Variants in IGFN1 observed in about 807,000 individuals in gnomAD.
IGFN1 encodes the protein immunoglobulin-like and fibronectin type III domain-containing protein 1.
IGFN1 carries 253 observed loss-of-function variants against 289.5 expected under a neutral mutation model. That is an observed-to-expected ratio of 0.87 (90% CI 0.79 to 0.97). IGFN1 has a LOEUF of 0.97. Among genes scored for constraint, IGFN1 ranks in the 50% least tolerant of loss-of-function variants. The pLI, the probability that IGFN1 is intolerant of heterozygous loss-of-function variation, is 0.00. For missense variants in IGFN1, 4,470 were observed against 4,686.1 expected (o/e 0.95, Z 1.35); for synonymous variants, 1,706 against 1,788.5 (o/e 0.95, Z 1.16).
At position 201,218,634 on chromosome 1, in the gene IGFN1, G is replaced by A; in HGVS notation, c.9874G>A (p.Ala3292Thr). The part of the protein sequence containing the change: ...GPGEPGPPSD[A>T]VFARDPMRPP... ...CGGAGAGCCTGGACCTCCATCGGAT[G>A]CTGTCTTTGCTCGGGACCCCATGAG... Residue 3292 changes from alanine to threonine, a missense_variant, in exon 18 of 24, where the codon GCT becomes ACT. Transcript: ENST00000335211. 1 of 1,609,530 alleles carries A rather than the reference G, an allele frequency of 6.2e-7. No homozygotes were observed.
intron 9 of IGFN1, 96 bp from the exon 10 acceptor site, chr1:201,203,642 G>C: frequency 5.1e-6 from 6 of 1,183,558 alleles, no homozygotes; most frequent in Non-Finnish European, 1.2e-6. Flanking sequence ...GACTGGGCCC[G>C]TGGGAGAAAA....
rs1307051608 is a variant in IGFN1, at chr1:201,199,611, C to T, written c.415C>T (p.Leu139Phe). ...RKRHREPQED[L>F]RKELMDFRKL... Reference sequence around the variant, plus strand: ...CCTCATTCCTGCTCCTTTTTCAGACCTCAGGAAGGAGCTGATGGACTTCCG... The same window carrying T: ...CCTCATTCCTGCTCCTTTTTCAGACTTCAGGAAGGAGCTGATGGACTTCCG... Residue 139 changes from leucine to phenylalanine, a missense_variant and splice_region_variant, in exon 7 of 24, where the codon CTC becomes TTC. By Grantham distance (22) the Leu-to-Phe change is conservative. Transcript: ENST00000335211. 1 of 1,551,192 alleles carries T rather than the reference C, an allele frequency of 6.4e-7. No homozygotes were observed. Among genetic ancestry groups the T allele is most frequent in the Middle Eastern group, 1.7e-4 (1 of 5,988 alleles).
In IGFN1 at chr1:201,217,409, C is replaced by G; in HGVS notation, c.9718C>G (p.Arg3240Gly). The G allele has an allele frequency of 6.2e-7, 1 of 1,614,156 alleles. No individual in the cohort carries two copies. The highest frequency in any genetic ancestry group is 1.1e-5 in the South Asian group (1 of 91,082). The change falls in exon 17 of 24, where the codon CGT (arginine) becomes GGT (glycine). Residue 3240 changes from arginine to glycine, a missense_variant. By Grantham distance (125) the Arg-to-Gly change is moderately radical (BLOSUM62 -2). Around this residue, in one of 8 missense-constraint regions of IGFN1, gnomAD observed 2,218 missense variants for 2,114.1 expected, o/e 1.05. Coordinates refer to ENST00000335211, the MANE Select transcript of IGFN1 (RefSeq NM_001164586.2). ...AHILGYLIER[R>G]KKGSNTWTAV... ...CATCCTGGGCTACCTGATCGAGAGGCGTAAGAAGGGGAGCAACACCTGGAC... is the reference window on the plus strand; with the variant it reads ...CATCCTGGGCTACCTGATCGAGAGGGGTAAGAAGGGGAGCAACACCTGGAC...
chr1:201,206,509 A>G lies in IGFN1; in HGVS notation c.1616A>G (p.Gln539Arg), dbSNP rs2102333433. The G allele has an allele frequency of 6.4e-7, 1 of 1,551,390 alleles. No homozygotes were observed. The highest frequency in any genetic ancestry group is 8.7e-7 in the Non-Finnish European group (1 of 1,146,988). ...TCAGGGTTGGGCCTCCCAGAAAAAC[A>G]ACAGCAAGATCGTGGCAGAGACAGC... Reference protein sequence around the residue: ...SESGLGLPEKQQQDRGRDSNS... With the variant: ...SESGLGLPEKRQQDRGRDSNS... Residue 539 changes from glutamine (Q) to arginine (R), a missense_variant, in exon 12 of 24, where the codon CAA becomes CGA. This residue lies in a region of IGFN1 where 2,011 missense variants were observed against 1,953.4 expected (regional missense o/e 1.03). Transcript: ENST00000335211.
intron 9 of IGFN1, among the ~76,000 whole-genome samples, chr1:201,202,715 T>TC (rs1667216524): frequency 1.1e-5 from 1 of 93,300 alleles, no homozygotes; most frequent in African/African-American, 4.6e-5. Flanking sequence ...CTTTCTTTCT[T>TC]CCTCCCTCCC....
rs181852482 is a variant in IGFN1 at position 201,212,601 on chromosome 1, G to C, written c.7708G>C (p.Gly2570Arg). 8.5e-5 allele frequency: 131 copies of C among 1,547,202 alleles called. 1 individual carries two copies. The East Asian group carries it at 1.6e-3, about 18-fold the overall frequency. ...MTDRGRVAGQGGLASQGGGDS... is the reference protein window; with the variant it reads ...MTDRGRVAGQRGLASQGGGDS... The stretch of plus-strand genomic sequence containing the variant: ...AGACAGGGGTAGAGTTGCTGGCCAG[G>C]GGGGGTTGGCATCTCAGGGAGGTGG... Residue 2570 changes from glycine (G) to arginine (R), a missense_variant, in exon 12 of 24, where the codon GGG becomes CGG. Around this residue, in one of 8 missense-constraint regions of IGFN1, gnomAD observed 2,218 missense variants for 2,114.1 expected, o/e 1.05. Coordinates refer to ENST00000335211, the MANE Select transcript of IGFN1 (RefSeq NM_001164586.2).
intron 7 of IGFN1, 131 bp downstream of exon 7, chr1:201,199,785 G>A (rs936241342): frequency 4.2e-6 from 3 of 708,502 alleles, no homozygotes; most frequent in East Asian, 2.7e-5. Context: ...GCCAGTAGCA[G>A]ATGGGAGGAT....
chr1:201,207,474 C>G lies in IGFN1; in HGVS notation c.2581C>G (p.Pro861Ala). Reference protein sequence around the residue: ...GAHHGPGVLGPSGGQEGMGGI... With the variant: ...GAHHGPGVLGASGGQEGMGGI... ...CCACCATGGGCCTGGAGTGCTGGGGCCCAGTGGAGGACAAGAGGGTATGGG... is the reference window on the plus strand; with the variant it reads ...CCACCATGGGCCTGGAGTGCTGGGGGCCAGTGGAGGACAAGAGGGTATGGG... The change falls in exon 12 of 24, where the codon CCC (proline) becomes GCC (alanine). Residue 861 changes from proline to alanine, a missense_variant. Physicochemically the swap from Pro to Ala is conservative, Grantham distance 27. Around this residue, in one of 8 missense-constraint regions of IGFN1, gnomAD observed 2,011 missense variants for 1,953.4 expected, o/e 1.03. Transcript: ENST00000335211. 1 of 1,531,070 alleles carries G rather than the reference C, an allele frequency of 6.5e-7. No homozygotes were observed. Among genetic ancestry groups the G allele is most frequent in the Non-Finnish European group, 8.7e-7 (1 of 1,143,664 alleles). 94.8% of individuals were successfully genotyped at this position (1,531,070 alleles called of 1,614,324 possible).
At position 201,211,078 on chromosome 1, in the gene IGFN1, T is replaced by A. The variant is rs1227086807; in HGVS notation, c.6185T>A (p.Met2062Lys). ...FRDGLGSSVEMGSVNEAGYRK... is the reference protein window; with the variant it reads ...FRDGLGSSVEKGSVNEAGYRK... ...GATGGTTTAGGGAGTTCTGTAGAAA[T>A]GGGGTCAGTGAATGAGGCAGGTTAT... Residue 2062 changes from methionine (M) to lysine (K), a missense_variant, in exon 12 of 24, where the codon ATG becomes AAG. Around this residue, in one of 8 missense-constraint regions of IGFN1, gnomAD observed 20 missense variants for 29.1 expected, o/e 0.69. Transcript: ENST00000335211. The A allele has an allele frequency of 2.7e-6, 4 of 1,501,194 alleles. No homozygotes were observed. The highest frequency in any genetic ancestry group is 3.6e-6 in the Non-Finnish European group (4 of 1,126,506). 93.0% of individuals were successfully genotyped at this position (1,501,194 alleles called of 1,614,324 possible). A position where few individuals can be genotyped will look rare whatever the true frequency, so the allele number is the denominator to read the frequency against.
chr1:201,215,725 G>A lies in IGFN1; in HGVS notation c.9182G>A (p.Gly3061Asp), dbSNP rs1430996305. Residue 3061 changes from glycine (G) to aspartate (D), a missense_variant, in exon 15 of 24, where the codon GGC (glycine) becomes GAC (aspartate). Around this residue, in one of 8 missense-constraint regions of IGFN1, gnomAD observed 2,218 missense variants for 2,114.1 expected, o/e 1.05. Coordinates refer to ENST00000335211, the MANE Select transcript of IGFN1 (RefSeq NM_001164586.2). Reference protein sequence around the residue: ...DREAQVDLGDGYTRLCLPSAG... With the variant: ...DREAQVDLGDDYTRLCLPSAG... ...GAGGCCCAGGTGGACCTGGGGGATG[G>A]CTACACGCGGCTGTGCCTCCCCAGC... is the stretch of plus-strand genomic sequence containing the variant. 1 of 1,612,158 alleles carries A rather than the reference G, an allele frequency of 6.2e-7. No individual in the cohort carries two copies. Among genetic ancestry groups the A allele is most frequent in the South Asian group, 1.1e-5 (1 of 90,768 alleles).
intron 12 of IGFN1, 45 bp downstream of exon 12, chr1:201,213,666 T>C (rs561923382): frequency 6.6e-7 from 1 of 1,518,586 alleles, no homozygotes; most frequent in South Asian, 1.2e-5. Context: ...CTAGAGACAG[T>C]GGGGAGCTCC....
intron 9 of IGFN1, among the ~76,000 whole-genome samples, chr1:201,202,751 C>CCCTTCCTTCCTT (rs1171116818): frequency 3.1e-4 from 12 of 39,002 alleles, no homozygotes; most frequent in African/African-American, 1.3e-3. Context: ...CTCCCTCCCT[C>CCCTTCCTTCCTT]CCTTCCTTCC....
chr1:201,212,833 G>A lies in IGFN1; in HGVS notation c.7940G>A (p.Gly2647Asp), dbSNP rs1415207837. ...GSIDAGKQPAGSRASGSLQEK... is the reference protein window; with the variant it reads ...GSIDAGKQPADSRASGSLQEK... ...ATAGATGCTGGGAAGCAGCCCGCAG[G>A]CTCCAGAGCTTCCGGTTCTCTGCAG... Residue 2647 changes from glycine (G) to aspartate (D), a missense_variant, in exon 12 of 24, where the codon GGC becomes GAC. By Grantham distance (94) the Gly-to-Asp change is moderately conservative (BLOSUM62 -1). Around this residue, in one of 8 missense-constraint regions of IGFN1, gnomAD observed 2,218 missense variants for 2,114.1 expected, o/e 1.05. Coordinates refer to ENST00000335211, the MANE Select transcript of IGFN1 (RefSeq NM_001164586.2). 4 of 1,551,344 alleles carry A rather than the reference G, an allele frequency of 2.6e-6. No homozygotes were observed. Among genetic ancestry groups the A allele is most frequent in the Non-Finnish European group, 3.5e-6 (4 of 1,146,884 alleles).
chr1:201,202,748 C>G, intron 9 of IGFN1, among the ~76,000 whole-genome samples: 1 of 71,526 alleles, frequency 1.4e-5, no homozygotes, highest in Admixed American at 1.5e-4. Flanking sequence ...TCCCTCCCTC[C>G]CTCCCTTCCT....
At position 201,208,907 on chromosome 1, in the gene IGFN1, C is replaced by T; in HGVS notation, c.4014C>T (p.Ser1338=). ...CTCCTGAGGGAATAAGTTCAGGGAG[C>T]AAGGCAGATTATAGGGGTGGTTTAC... The part of the protein sequence containing the change: ...LGAPEGISSG[S]KADYRGGLQD... The change falls in exon 12 of 24, where the codon AGC becomes AGT. Residue 1338 remains serine, a synonymous_variant. Transcript: ENST00000335211. 10 of 1,535,980 alleles carry T rather than the reference C, an allele frequency of 6.5e-6. No homozygotes were observed. The highest frequency in any genetic ancestry group is 1.4e-5 in the African/African-American group (1 of 72,782).
chr1:201,228,306 T>G, intron 23 of IGFN1, 80 bp from the exon 24 acceptor site: 33 of 1,399,814 alleles, frequency 2.4e-5, no homozygotes, highest in Non-Finnish European at 2.7e-5. Context: ...AGCCCCATTC[T>G]GAGTTTTCTT....
intron 19 of IGFN1, 79 bp from the exon 20 acceptor site, chr1:201,222,660 C>G: frequency 1.1e-6 from 1 of 952,162 alleles, no homozygotes; most frequent in African/African-American, 1.6e-5. Context: ...TCCCCTCCAG[C>G]CCTACCTTGC....
At position 201,215,827 on chromosome 1, in the gene IGFN1, T is replaced by C. The variant is rs1201413882; in HGVS notation, c.9284T>C (p.Leu3095Pro). ...GGCTCTGTGCAGGCCGAGCTCACTC[T>C]GCAAGTCATAGGTACCAGCCCTGTC... ...EGGSVQAELT[L>P]QVIDKPDPPQ... Residue 3095 changes from leucine (L) to proline (P), a missense_variant, in exon 15 of 24, where the codon CTG (leucine) becomes CCG (proline). By Grantham distance (98) the Leu-to-Pro change is moderately conservative. Transcript: ENST00000335211. The C allele has an allele frequency of 4.4e-6, 7 of 1,600,158 alleles. No homozygotes were observed. Among genetic ancestry groups the C allele is most frequent in the Non-Finnish European group, 8.5e-7 (1 of 1,172,782 alleles).
chr1:201,214,950 G>C, intron 13 of IGFN1, 63 bp from the exon 14 acceptor site: 1 of 1,560,502 alleles, frequency 6.4e-7, no homozygotes. Flanking sequence ...GCTCTGGTTA[G>C]CTGGCCTGAA....
Sources: allele counts gnomAD v4.1 joint callset (sites outside exome capture counted in the v4.1 genomes callset), GRCh38; gene constraint gnomAD v4.1.1; regional missense constraint gnomAD v4.1.1; transcripts MANE v1.5; gene names NCBI Gene and HGNC (gene_info 2026-07-23, HGNC 2026-07-21).